SLC15A3: variants seen among roughly 807,000 people sequenced by gnomAD.
SLC15A3 encodes the protein solute carrier family 15 member 3.
In SLC15A3, 39 loss-of-function variants were observed where a neutral mutation model predicts 49.2. The observed-to-expected ratio is 0.79, with a 90% CI of 0.61 to 1.04. The LOEUF (loss-of-function observed/expected upper bound fraction) is 1.04. Ranked by LOEUF, SLC15A3 falls within the 50% of genes least tolerant of loss-of-function variation. The pLI is 0.00. For synonymous variants in SLC15A3, 339 were observed against 367.0 expected, an observed-to-expected ratio of 0.92 and a Z score of 0.87; for missense variants, 758 against 794.8, an observed-to-expected ratio of 0.95 and a Z score of 0.56.
intron 1 of SLC15A3, 80 bp downstream of exon 1, chr11:60,950,914 G>A (rs1489673180): frequency 9.8e-6 from 13 of 1,328,464 alleles, no homozygotes; most frequent in Non-Finnish European, 1.2e-5. Flanking sequence ...GACCTGGTTT[G>A]TCCCAGGTCA....
chr11:60,937,425 C>T (rs752400911), intron 7 of SLC15A3, 52 bp from the exon 8 acceptor site: 84 of 1,606,250 alleles, frequency 5.2e-5, no homozygotes, highest in Non-Finnish European at 6.4e-5. Context: ...CTCTGTCTTG[C>T]GCCCTGTGCC....
chr11:60,937,315 G>A lies in SLC15A3; in HGVS notation c.1650C>T (p.Ala550=), dbSNP rs141862293. ...LYFFLLAGIQ[A]VTALLFVWIA... Reference sequence around the variant, plus strand: ...TCCAGACAAATAGGAGAGCCGTGACGGCCTGAATGCCAGCCAGCAGGAAGA... The same window carrying A: ...TCCAGACAAATAGGAGAGCCGTGACAGCCTGAATGCCAGCCAGCAGGAAGA... The change falls in exon 8 of 8, where the codon GCC becomes GCT. Residue 550 remains alanine (A), a synonymous_variant. Coordinates refer to ENST00000227880, the MANE Select transcript of SLC15A3 (RefSeq NM_016582.3). 119 of 1,614,158 alleles carry A rather than the reference G, an allele frequency of 7.4e-5. No homozygotes were observed. The African/African-American group carries it at 1.3e-3, about 18-fold the overall frequency.
chr11:60,943,865 A>G (rs1239749239), intron 2 of SLC15A3, 29 bp from the exon 3 acceptor site: 1 of 1,489,798 alleles, frequency 6.7e-7, no homozygotes, highest in Admixed American at 2.1e-5. Context: ...AGCAGATAAA[A>G]CAACAGTCAA....
chr11:60,944,605 G>A (rs552426), intron 2 of SLC15A3, among the ~76,000 whole-genome samples: 12,351 of 152,050 alleles, frequency 0.081, 895 homozygotes, highest in African/African-American at 0.2. Context: ...TTTTTGGCTC[G>A]TAGCATCAAT....
At chr11:60,946,151 C>T (rs1856797940) in intron 2 of SLC15A3, among the ~76,000 whole-genome samples, 2 of 152,268 alleles carry the variant, frequency 1.3e-5, no homozygotes, top group African/African-American at 4.8e-5. Context: ...GGCCACCACA[C>T]CCCACTAATT....
At chr11:60,938,280 C>T in intron 6 of SLC15A3, 1 of 455,026 alleles carries the variant, frequency 2.2e-6, no homozygotes, top group Non-Finnish European at 3.8e-6. Context: ...TGTCTCCCCT[C>T]CTCCCCTTCC....
In SLC15A3 at chr11:60,949,564, G is replaced by GAA. The variant is rs33944083; in HGVS notation, c.558+1428_558+1429dup. Among the ~76,000 whole-genome samples, 5 of 117,912 alleles carry GAA rather than the reference G, an allele frequency of 4.2e-5. 1 individual carries two copies. The highest frequency in any genetic ancestry group is 8.7e-5 in the Admixed American group (1 of 11,500). 77.4% of individuals were successfully genotyped at this position (117,912 alleles called of 152,430 possible). ...AGAAAGAAAGAAAGAAAGAAAGAAA[G>GAA]AAAGAAAAGAGATGGCCAGGGCTGG... On this transcript the variant is annotated intron_variant, in intron 1 of 7. Transcript: ENST00000227880.
In SLC15A3 at chr11:60,941,207, T is replaced by C. The variant is rs760804765; in HGVS notation, c.1191A>G (p.Leu397=). The change falls in exon 5 of 8, where the codon TTA becomes TTG. Residue 397 remains leucine (L), a synonymous_variant. Coordinates refer to ENST00000227880, the MANE Select transcript of SLC15A3 (RefSeq NM_016582.3). Reference sequence around the variant, plus strand: ...AGGGAAGCAGCTTGCACCGCAGCAGTAAAGGGTCGATCAAGCGGTCCTTCA... The same window carrying C: ...AGGGAAGCAGCTTGCACCGCAGCAGCAAAGGGTCGATCAAGCGGTCCTTCA... The part of the protein sequence containing the change: ...VPLKDRLIDP[L]LLRCKLLPSA... 11 of 1,614,060 alleles carry C rather than the reference T, an allele frequency of 6.8e-6. No homozygotes were observed. The highest frequency in any genetic ancestry group is 9.3e-6 in the Non-Finnish European group (11 of 1,180,002).
rs767432868 is a variant in SLC15A3 at position 60,939,655 on chromosome 11, G to C, written c.1277-17C>G. 1.2e-6 allele frequency: 2 copies of C among 1,613,334 alleles called. No individual in the cohort carries two copies. The highest frequency in any genetic ancestry group is 2.2e-5 in the South Asian group (2 of 90,996). Reference sequence around the variant, plus strand: ...CCAGGACTCCTGGTGGAGGAGCAGAGGGGGATTATAGTCAGGCCCACCCCA... The same window carrying C: ...CCAGGACTCCTGGTGGAGGAGCAGACGGGGATTATAGTCAGGCCCACCCCA... On this transcript the variant is annotated splice_polypyrimidine_tract_variant and intron_variant, in intron 5 of 7. Coordinates refer to ENST00000227880, the MANE Select transcript of SLC15A3 (RefSeq NM_016582.3).
At chr11:60,938,156 C>A in intron 6 of SLC15A3, 131 bp from the exon 7 acceptor site, 1 of 1,143,474 alleles carries the variant, frequency 8.7e-7, no homozygotes, top group East Asian at 2.6e-5. Context: ...TGCCTGTCCA[C>A]TCAGTGGCAA....
intron 1 of SLC15A3, among the ~76,000 whole-genome samples, chr11:60,949,061 C>T (rs994385453): frequency 7.9e-5 from 12 of 151,938 alleles, no homozygotes; most frequent in Admixed American, 3.9e-4. Flanking sequence ...GCTGGCCGGT[C>T]GCAGTGGCTC....
intron 6 of SLC15A3, chr11:60,938,276 C>T: frequency 2.1e-6 from 1 of 468,420 alleles, no homozygotes; most frequent in East Asian, 3.5e-5. Flanking sequence ...GCTCTGTCTC[C>T]CCTCCTCCCC....
Position 60,937,950 on chromosome 11 carries a change from C to A in SLC15A3, c.1511G>T (p.Gly504Val). 6.2e-7 allele frequency: 1 copy of A among 1,614,222 alleles called. No homozygotes were observed. The highest frequency in any genetic ancestry group is 8.5e-7 in the Non-Finnish European group (1 of 1,180,024). Residue 504 changes from glycine (G) to valine (V), a missense_variant, in exon 7 of 8, where the codon GGG becomes GTG. Physicochemically the swap from Gly to Val is moderately radical, Grantham distance 109 (BLOSUM62 -3). Transcript: ENST00000227880. ...AIMGIFFCLS[G>V]VGSLLGSSLV... is the part of the protein sequence containing the mutation. Reference sequence around the variant, plus strand: ...GCTGGAGCCCAACAGTGAGCCCACCCCCGACAGGCAGAAGAAGATGCCCAT... The same window carrying A: ...GCTGGAGCCCAACAGTGAGCCCACCACCGACAGGCAGAAGAAGATGCCCAT...
At position 60,942,030 on chromosome 11, in the gene SLC15A3, C is replaced by T; in HGVS notation, c.1107+5G>A. The stretch of plus-strand genomic sequence containing the variant: ...TGGGTGCCGAACACATGCTTTATCT[C>T]TCACCGTGTAGCTGCTGCCCTGGGC... On this transcript the variant is annotated splice_donor_5th_base_variant and intron_variant, in intron 4 of 7. Coordinates refer to ENST00000227880, the MANE Select transcript of SLC15A3 (RefSeq NM_016582.3). 2.5e-6 allele frequency: 4 copies of T among 1,613,474 alleles called. No homozygotes were observed. The highest frequency in any genetic ancestry group is 2.5e-6 in the Non-Finnish European group (3 of 1,179,470).
intron 2 of SLC15A3, 150 bp from the exon 3 acceptor site, chr11:60,943,986 C>T (rs1260420797): frequency 5.6e-6 from 4 of 711,064 alleles, no homozygotes; most frequent in East Asian, 3.4e-5. Context: ...GATGAAACTC[C>T]GTCCCTACTA....
At position 60,943,822 on chromosome 11, in the gene SLC15A3, G is replaced by A; in HGVS notation, c.863C>T (p.Ala288Val). 6.3e-7 allele frequency: 1 copy of A among 1,591,026 alleles called. No individual in the cohort carries two copies. The highest frequency in any genetic ancestry group is 1.1e-5 in the South Asian group (1 of 87,844). ...AGACCTCTCGTCGGCCAGCACGCGG[G>A]CACATTGACGGTCTCTGTGAGACCC... ...QRHSARDRQC[A>V]RVLADERSPQ... Residue 288 changes from alanine to valine, a missense_variant, in exon 3 of 8, where the codon GCC becomes GTC. By Grantham distance (64) the Ala-to-Val change is moderately conservative. Transcript: ENST00000227880.
rs11417679 is a variant in SLC15A3, at chr11:60,950,617, T to TAA, written c.558+375_558+376dup. 7.5e-3 allele frequency among the ~76,000 whole-genome samples: 1,090 copies of TAA among 146,292 alleles called. 5 individuals carry two copies. Among genetic ancestry groups the TAA allele is most frequent in the Middle Eastern group, 0.042 (12 of 286 alleles). ...AACATGGTGAAACCCCACCTCTACT[T>TAA]AAAAAAAAAAAAAAATTACAAAAAT... On this transcript the variant is annotated intron_variant, in intron 1 of 7. Coordinates refer to ENST00000227880, the MANE Select transcript of SLC15A3 (RefSeq NM_016582.3).
At chr11:60,950,484 A>G (rs1590645638) in intron 1 of SLC15A3, among the ~76,000 whole-genome samples, 1 of 152,298 alleles carries the variant, frequency 6.6e-6, no homozygotes, top group Middle Eastern at 3.4e-3. Context: ...AGGGCCTGCA[A>G]GTAGCTCAAA....
At chr11:60,946,454 C>G (rs1856802647) in intron 2 of SLC15A3, 78 bp downstream of exon 2, 1 of 1,470,128 alleles carries the variant, frequency 6.8e-7, no homozygotes. Flanking sequence ...ATGTCTGCAA[C>G]CTGGACCATG....
Sources: gnomAD v4.1 joint callset for allele counts (sites outside exome capture counted in the v4.1 genomes callset) on GRCh38, gnomAD v4.1.1 for gene constraint, MANE v1.5 for transcripts, NCBI Gene and HGNC (gene_info 2026-07-23, HGNC 2026-07-21) for gene names.